DOCK4: variants seen among roughly 807,000 people sequenced by gnomAD.
DOCK4 encodes dedicator of cytokinesis 4.
DOCK4 carries 97 observed loss-of-function variants against 268.1 expected under a neutral mutation model. The observed-to-expected ratio is 0.36, with a 90% CI of 0.31 to 0.43. The LOEUF (loss-of-function observed/expected upper bound fraction) is 0.43, where lower values mean the gene tolerates loss of function less well. Among genes scored for constraint, DOCK4 ranks in the 20% least tolerant of loss-of-function variants. The probability of loss-of-function intolerance (pLI) is 1.00; values close to 1 mark genes in which losing one functional copy is unlikely to be tolerated. For missense variants in DOCK4, 2,145 were observed against 2,455.7 expected (o/e 0.87, Z 2.67); for synonymous variants, 954 against 887.2 (o/e 1.08, Z -1.34).
At chr7:111,809,448 T>C (rs1030619213) in intron 28 of DOCK4, 47 bp from the exon 29 acceptor site, 15 of 1,459,234 alleles carry the variant, frequency 1.0e-5, no homozygotes, top group South Asian at 2.4e-5. Context: ...TACAAGCATA[T>C]TGACAGGTGA....
chr7:111,759,653 T>C (rs1158044814), intron 40 of DOCK4, among the ~76,000 whole-genome samples: 2 of 152,086 alleles, frequency 1.3e-5, no homozygotes, highest in East Asian at 1.9e-4. Context: ...CTCAGTTGTT[T>C]GTGTTTAGAC....
chr7:112,076,635 TTTGA>T (rs1222561789), intron 1 of DOCK4, among the ~76,000 whole-genome samples: 26 of 152,266 alleles, frequency 1.7e-4, no homozygotes, highest in African/African-American at 6.3e-4. Flanking sequence ...TGTTGGGAAG[TTTGA>T]TTATCATTTC....
chr7:111,948,257 AAT>A (rs1483007875), intron 8 of DOCK4, among the ~76,000 whole-genome samples: 1 of 152,324 alleles, frequency 6.6e-6, no homozygotes, highest in East Asian at 1.9e-4. Context: ...CGAAATAGTA[AAT>A]AGTTTTACTC....
chr7:112,102,544 C>T (rs537002105), intron 1 of DOCK4, among the ~76,000 whole-genome samples: 23 of 152,226 alleles, frequency 1.5e-4, no homozygotes, highest in Non-Finnish European at 2.9e-4. Flanking sequence ...AGAGTAGAGT[C>T]GTCAGGAATG....
intron 1 of DOCK4, among the ~76,000 whole-genome samples, chr7:112,169,830 C>T (rs1039933015): frequency 2.0e-5 from 3 of 152,172 alleles, no homozygotes; most frequent in African/African-American, 7.2e-5. Flanking sequence ...AGTCCAAATT[C>T]AGGGAGCTGA....
chr7:112,189,166 G>A (rs1819707366), intron 1 of DOCK4, among the ~76,000 whole-genome samples: 1 of 152,112 alleles, frequency 6.6e-6, no homozygotes, highest in Admixed American at 6.5e-5. Flanking sequence ...ATTTTGTGTT[G>A]GTTATGCTGT....
At chr7:111,976,110 C>T (rs1433296147) in intron 8 of DOCK4, among the ~76,000 whole-genome samples, 1 of 125,152 alleles carries the variant, frequency 8.0e-6, no homozygotes, top group Non-Finnish European at 1.6e-5. Flanking sequence ...CACTGCACTC[C>T]AGCCTGGGTG....
chr7:112,055,873 A>G (rs879557117), intron 1 of DOCK4, among the ~76,000 whole-genome samples: 15 of 151,894 alleles, frequency 9.9e-5, no homozygotes, highest in Non-Finnish European at 2.1e-4. Context: ...ATGCCACTGC[A>G]CGTCTCCAGC....
intron 1 of DOCK4, among the ~76,000 whole-genome samples, chr7:112,049,749 T>C (rs189222699): frequency 1.4e-3 from 216 of 152,274 alleles, no homozygotes; most frequent in African/African-American, 4.9e-3. Context: ...GGGCATAAGA[T>C]AGTAGCACAA....
intron 30 of DOCK4, among the ~76,000 whole-genome samples, chr7:111,805,322 A>G (rs1159074928): frequency 1.3e-5 from 2 of 152,230 alleles, no homozygotes; most frequent in Admixed American, 6.5e-5. Flanking sequence ...CGCTTCCTCC[A>G]GTTGTGTGAA....
intron 20 of DOCK4, among the ~76,000 whole-genome samples, chr7:111,871,485 C>T (rs1475231063): frequency 6.6e-6 from 1 of 152,210 alleles, no homozygotes; most frequent in Non-Finnish European, 1.5e-5. Flanking sequence ...ACTAAATTGC[C>T]TGAGGCCAGG....
chr7:112,042,831 C>A (rs1002647245), intron 1 of DOCK4, among the ~76,000 whole-genome samples: 1 of 152,136 alleles, frequency 6.6e-6, no homozygotes, highest in Non-Finnish European at 1.5e-5. Context: ...GTAATTTGAT[C>A]ATGAAGAGTT....
intron 1 of DOCK4, among the ~76,000 whole-genome samples, chr7:112,187,526 T>C (rs1819579744): frequency 1.3e-5 from 2 of 152,190 alleles, no homozygotes. Flanking sequence ...CTCCACTTTT[T>C]ACAAGTCTTT....
rs536115758 is a variant in DOCK4 at position 111,832,811 on chromosome 7, C to T, written c.2835+1777G>A. ...CTGGGATTACAGGCCTGAGCCACGG[C>T]GCCCCGCCAGCCTCAGTAATTTTAA... On this transcript the variant is annotated intron_variant, in intron 26 of 52. Transcript: ENST00000428084. 1.8e-4 allele frequency among the ~76,000 whole-genome samples: 28 copies of T among 152,306 alleles called. 2 individuals carry two copies. The highest frequency in any genetic ancestry group is 6.7e-4 in the African/African-American group (28 of 41,588).
Position 112,024,502 on chromosome 7 carries a change from GCCT to G in DOCK4, c.38-20374_38-20372del, listed in dbSNP as rs557505722. On this transcript the variant is annotated intron_variant, in intron 1 of 52. Transcript: ENST00000428084. ...CCAAAAGTCCTTTACCTCCTTTCTT[GCCT>G]CCTTTCTCTTACATCCTCTACCCAA... 1.8e-3 allele frequency among the ~76,000 whole-genome samples: 266 copies of G among 151,976 alleles called. 1 individual carries two copies. The highest frequency in any genetic ancestry group is 6.1e-3 in the African/African-American group (254 of 41,426).
At chr7:112,188,813 C>T (rs1819675982) in intron 1 of DOCK4, among the ~76,000 whole-genome samples, 3 of 152,210 alleles carry the variant, frequency 2.0e-5, no homozygotes, top group Admixed American at 2.0e-4. Context: ...AATAAATGCT[C>T]ATATACACCC....
At chr7:111,825,773 G>C (rs964769934) in intron 26 of DOCK4, among the ~76,000 whole-genome samples, 7 of 152,146 alleles carry the variant, frequency 4.6e-5, no homozygotes, top group Admixed American at 3.3e-4. Flanking sequence ...TTATTTTATA[G>C]AAGTATTTTT....
chr7:111,970,254 A>G (rs1797600204), intron 8 of DOCK4, among the ~76,000 whole-genome samples: 1 of 152,138 alleles, frequency 6.6e-6, no homozygotes, highest in Non-Finnish European at 1.5e-5. Flanking sequence ...AGATTCCTAC[A>G]TAAACTGCCA....
At chr7:111,937,503 A>T (rs983593152) in intron 11 of DOCK4, among the ~76,000 whole-genome samples, 2 of 152,290 alleles carry the variant, frequency 1.3e-5, no homozygotes, top group African/African-American at 4.8e-5. Flanking sequence ...TCCCATTGGC[A>T]GGGCTGGAAT....
Sources: allele counts gnomAD v4.1 joint callset (sites outside exome capture counted in the v4.1 genomes callset), GRCh38; gene constraint gnomAD v4.1.1; transcripts MANE v1.5; gene names NCBI Gene and HGNC (gene_info 2026-07-23, HGNC 2026-07-21).